The following KDM6A variants were observed in gnomAD, a reference collection of about 807,000 sequenced individuals.
KDM6A encodes the protein lysine-specific demethylase 6A.
In KDM6A, 11 loss-of-function variants were observed where a neutral mutation model predicts 117.6. That is an observed-to-expected ratio of 0.09 (90% CI 0.06 to 0.15). The LOEUF is 0.15. Among genes scored for constraint, KDM6A ranks in the 10% least tolerant of loss-of-function variants. The pLI is 1.00. For synonymous variants in KDM6A, 384 were observed against 396.1 expected (o/e 0.97, Z 0.36); for missense variants, 799 against 1,077.3 (o/e 0.74, Z 3.62).
rs572321841 is a variant in KDM6A, at chrX:44,966,122, A to G, written c.334+4730A>G. 2.1e-4 allele frequency among the ~76,000 whole-genome samples: 23 copies of G among 108,324 alleles called. No individual in the cohort carries two copies. The South Asian group carries it at 8.6e-3, about 41-fold the overall frequency. The allele number at this position is 108,324 out of a possible 115,157, so 94.1% of individuals were successfully genotyped here. A position where few individuals can be genotyped will look rare whatever the true frequency, so the allele number is the denominator to read the frequency against. On this transcript the variant is annotated intron_variant, in intron 3 of 29. Coordinates refer to ENST00000611820, the MANE Select transcript of KDM6A (RefSeq NM_001291415.2). ...GACTGTGACTATAGCTTTATTTTTC[A>G]CATATATATATATATTTTTTTTTTA...
intron 3 of KDM6A, among the ~76,000 whole-genome samples, chrX:44,963,473 G>GTGTCTGTGTGTC (rs1366202167): frequency 2.8e-5 from 1 of 35,700 alleles, no homozygotes; most frequent in African/African-American, 6.5e-5. Flanking sequence ...GTGTGTGTGT[G>GTGTCTGTGTGTC]TGTGTGTGTG....
intron 27 of KDM6A, among the ~76,000 whole-genome samples, chrX:45,106,022 C>G (rs979071009): frequency 9.0e-6 from 1 of 111,145 alleles, no homozygotes; most frequent in Admixed American, 9.6e-5. Context: ...CCGCCCCTTC[C>G]CCTAGGTCTG....
intron 4 of KDM6A, among the ~76,000 whole-genome samples, chrX:44,992,884 T>C (rs934362557): frequency 1.4e-4 from 16 of 111,787 alleles, no homozygotes; most frequent in Non-Finnish European, 1.3e-4. Flanking sequence ...AGGTATCTAA[T>C]AATATTTTAA....
intron 24 of KDM6A, 152 bp from the exon 25 acceptor site, chrX:45,085,713 G>A: frequency 4.4e-6 from 2 of 451,197 alleles, no homozygotes; most frequent in Admixed American, 3.3e-5. Flanking sequence ...TACTACTAGA[G>A]TGTTCTCTGT....
rs192294208 is a variant in KDM6A at position 45,004,164 on chromosome X, C to T, written c.385-6797C>T. On this transcript the variant is annotated intron_variant, in intron 4 of 29. Coordinates refer to ENST00000611820, the MANE Select transcript of KDM6A (RefSeq NM_001291415.2). The stretch of plus-strand genomic sequence containing the variant: ...TCGACATCAATAGCACCTATCTTGT[C>T]CTTCCTCCTTAGTTCTGGGATTCTT... 5.0e-4 allele frequency among the ~76,000 whole-genome samples: 55 copies of T among 110,561 alleles called. No individual in the cohort carries two copies. In the Middle Eastern group the frequency reaches 0.019, roughly 38 times the overall value.
chrX:45,112,243 T>A lies in KDM6A; in HGVS notation c.*832T>A. ...AGAAACTTTTATTAAAATTGTTTAATGTTTAAAGAGTTTTCTATTGTTTGA... is the reference window on the plus strand; with the variant it reads ...AGAAACTTTTATTAAAATTGTTTAAAGTTTAAAGAGTTTTCTATTGTTTGA... On this transcript the variant is annotated 3_prime_UTR_variant, in exon 30 of 30. Coordinates refer to ENST00000611820, the MANE Select transcript of KDM6A (RefSeq NM_001291415.2). 6.6e-6 allele frequency: 1 copy of A among 151,070 alleles called. No homozygotes were observed. The highest frequency in any genetic ancestry group is 1.3e-5 in the Non-Finnish European group (1 of 76,417). The allele number at this position is 151,070 out of a possible 1,213,427, so 12.4% of individuals were successfully genotyped here. A position where few individuals can be genotyped will look rare whatever the true frequency, so the allele number is the denominator to read the frequency against.
At chrX:44,925,728 C>T (rs773394867) in intron 2 of KDM6A, among the ~76,000 whole-genome samples, 11 of 111,098 alleles carry the variant, frequency 9.9e-5, no homozygotes, top group Non-Finnish European at 1.7e-4. Flanking sequence ...TGCAAACACA[C>T]GTATTTCTAG....
intron 2 of KDM6A, among the ~76,000 whole-genome samples, chrX:44,874,781 A>AG (rs1286073764): frequency 5.8e-4 from 15 of 26,014 alleles, no homozygotes; most frequent in African/African-American, 8.1e-4. Context: ...GAGAAAGTGA[A>AG]GGGGGGGGTT....
At chrX:44,892,751 C>A (rs772038412) in intron 2 of KDM6A, among the ~76,000 whole-genome samples, 59 of 109,476 alleles carry the variant, frequency 5.4e-4, no homozygotes, top group Non-Finnish European at 4.6e-4. Flanking sequence ...TGCCTGTAAT[C>A]CCAGCACTTT....
chrX:44,979,494 G>T (rs1483594634), intron 4 of KDM6A, among the ~76,000 whole-genome samples: 1 of 109,486 alleles, frequency 9.1e-6, no homozygotes, highest in African/African-American at 3.3e-5. Context: ...AATGCCCTTT[G>T]TCAGATACTT....
At chrX:45,071,841 C>T (rs1000219244) in intron 18 of KDM6A, among the ~76,000 whole-genome samples, 4 of 110,867 alleles carry the variant, frequency 3.6e-5, no homozygotes, top group Admixed American at 1.9e-4. Context: ...GCGATTTCAA[C>T]TTACCGCACG....
intron 2 of KDM6A, among the ~76,000 whole-genome samples, chrX:44,901,396 G>A (rs1432575592): frequency 9.1e-6 from 1 of 110,474 alleles, no homozygotes; most frequent in Non-Finnish European, 1.9e-5. Flanking sequence ...TTGTTTTAGT[G>A]GCCTAACGTG....
At chrX:45,007,992 C>T in intron 4 of KDM6A, among the ~76,000 whole-genome samples, 1 of 111,710 alleles carries the variant, frequency 9.0e-6, no homozygotes, top group Admixed American at 9.5e-5. Flanking sequence ...ATGATAGAGA[C>T]GTTGCAGTAA....
At chrX:44,898,791 G>A (rs1569380104) in intron 2 of KDM6A, among the ~76,000 whole-genome samples, 1 of 110,214 alleles carries the variant, frequency 9.1e-6, no homozygotes, top group Non-Finnish European at 1.9e-5. Flanking sequence ...TCAATTCCCT[G>A]TTTTGTCTTG....
chrX:44,900,824 G>A (rs184655764), intron 2 of KDM6A, among the ~76,000 whole-genome samples: 1,187 of 111,703 alleles, frequency 0.011, 35 homozygotes, highest in Admixed American at 0.077. Context: ...CGGAACCTGG[G>A]AGGTGGAGAT....
intron 4 of KDM6A, among the ~76,000 whole-genome samples, chrX:45,000,148 G>T: frequency 8.9e-6 from 1 of 112,027 alleles, no homozygotes. Flanking sequence ...CAGCCATCTG[G>T]CTAGTTGCCC....
At chrX:45,093,940 C>T (rs751092309) in intron 27 of KDM6A, among the ~76,000 whole-genome samples, 8 of 110,890 alleles carry the variant, frequency 7.2e-5, no homozygotes, top group African/African-American at 1.6e-4. Flanking sequence ...TTTTGCCCTA[C>T]GCTACAAAAT....
At chrX:45,068,859 T>C (rs28539343) in intron 17 of KDM6A, among the ~76,000 whole-genome samples, 1 of 72,436 alleles carries the variant, frequency 1.4e-5, no homozygotes, top group Non-Finnish European at 2.8e-5. Flanking sequence ...TTTCCCTTTC[T>C]CTCTCTCTTT....
At chrX:44,939,202 A>AAT (rs1253418750) in intron 2 of KDM6A, among the ~76,000 whole-genome samples, 2 of 112,389 alleles carry the variant, frequency 1.8e-5, no homozygotes, top group Non-Finnish European at 3.8e-5. Flanking sequence ...GGGCAAAGTA[A>AAT]ATAAAAAACC....
Sources: allele counts gnomAD v4.1 joint callset (sites outside exome capture counted in the v4.1 genomes callset), GRCh38; gene constraint gnomAD v4.1.1; transcripts MANE v1.5; gene names NCBI Gene and HGNC (gene_info 2026-07-23, HGNC 2026-07-21).